The following TNK2 variants were observed in gnomAD, a reference collection of about 807,000 sequenced individuals.
TNK2 encodes the protein activated CDC42 kinase 1.
A neutral mutation model predicts 101.8 loss-of-function variants in TNK2; 83 were observed. That is an observed-to-expected ratio of 0.82 (90% CI 0.68 to 0.98). The LOEUF (loss-of-function observed/expected upper bound fraction) is 0.98, where lower values mean the gene tolerates loss of function less well. Among genes scored for constraint, TNK2 ranks in the 50% least tolerant of loss-of-function variants. The probability of loss-of-function intolerance (pLI) is 0.00; values close to 1 mark genes in which losing one functional copy is unlikely to be tolerated. For synonymous variants in TNK2, 804 were observed against 633.0 expected (o/e 1.27, Z -4.06); for missense variants, 1,665 against 1,483.2 (o/e 1.12, Z -2.01).
intron 6 of TNK2, 182 bp from the exon 7 acceptor site, chr3:195,879,357 G>A: frequency 1.2e-6 from 1 of 832,404 alleles, no homozygotes; most frequent in Non-Finnish European, 1.8e-6. Flanking sequence ...CAGGGACTTG[G>A]GGAAATCGTC....
intron 12 of TNK2, 78 bp downstream of exon 12, chr3:195,869,419 G>A: frequency 1.4e-6 from 2 of 1,459,942 alleles, no homozygotes; most frequent in Non-Finnish European, 9.4e-7. Context: ...AGCCGCCCAG[G>A]CTCTGTACCT....
intron 15 of TNK2, 48 bp downstream of exon 15, chr3:195,866,841 A>G: frequency 6.3e-7 from 1 of 1,588,738 alleles, no homozygotes; most frequent in Non-Finnish European, 8.6e-7. Flanking sequence ...AGGCTCTGGG[A>G]CAGCCCTCCT....
chr3:195,892,522 G>A (rs1329247597), intron 1 of TNK2: 1 of 1,532,824 alleles, frequency 6.5e-7, no homozygotes, highest in South Asian at 1.2e-5. Flanking sequence ...AGCAGTCACT[G>A]GGGATCCAGT....
At position 195,885,113 on chromosome 3, in the gene TNK2, TG is replaced by T; in HGVS notation, c.235-81del. 7.2e-7 allele frequency: 1 copy of T among 1,396,784 alleles called. No homozygotes were observed. The highest frequency in any genetic ancestry group is 9.7e-7 in the Non-Finnish European group (1 of 1,034,954). 86.5% of individuals were successfully genotyped at this position (1,396,784 alleles called of 1,614,324 possible). On this transcript the variant is annotated intron_variant, in intron 3 of 15. Coordinates refer to ENST00000672887, the MANE Select transcript of TNK2 (RefSeq NM_001382273.1). This position sits in a 1 kb window ranked among gnomAD's most constrained non-coding sequence, Gnocchi z 4.7. ...TCAGTCCCACCCCGCTGGGTCCACC[TG>T]GTGATCCCCGGCTTCGGCTTCCAGA...
At chr3:195,892,691 C>G (rs1471530782) in intron 1 of TNK2, 5 of 1,393,300 alleles carry the variant, frequency 3.6e-6, no homozygotes, top group African/African-American at 1.5e-5. Flanking sequence ...GCTTTCCTCA[C>G]GCTGGCTGCA....
intron 4 of TNK2, chr3:195,883,930 T>C (rs556938845): frequency 1.3e-5 from 2 of 152,058 alleles, no homozygotes; most frequent in East Asian, 3.9e-4. Context: ...GCACAGCGGC[T>C]TCCCCGGGAG....
In TNK2 at chr3:195,867,446, G is replaced by A; in HGVS notation, c.2852C>T (p.Pro951Leu). ...NNSNPGARPP[P>L]PRATARLPQR... ...TGGCAGCCGAGCAGTGGCCCTCGGG[G>A]GTGGTGGCCGGGCCCCTGGGTTGCT... Residue 951 changes from proline (P) to leucine (L), a missense_variant, in exon 13 of 16, where the codon CCC becomes CTC. By Grantham distance (98) the Pro-to-Leu change is moderately conservative. This residue lies in a region of TNK2 where 1,136 missense variants were observed against 894.9 expected (regional missense o/e 1.27). Transcript: ENST00000672887. The A allele has an allele frequency of 1.3e-6, 2 of 1,594,120 alleles. No homozygotes were observed. The highest frequency in any genetic ancestry group is 1.7e-6 in the Non-Finnish European group (2 of 1,176,434).
At chr3:195,874,007 A>G (rs773488557) in intron 9 of TNK2, among the ~76,000 whole-genome samples, 14 of 151,976 alleles carry the variant, frequency 9.2e-5, no homozygotes, top group Non-Finnish European at 1.6e-4. Context: ...GAAAAATAGC[A>G]GGGCCACTCG....
intron 9 of TNK2, chr3:195,876,326 C>T (rs1288311892): frequency 6.8e-6 from 3 of 438,984 alleles, no homozygotes; most frequent in Non-Finnish European, 1.4e-5. Context: ...GACTCCGCAC[C>T]AGGAAACAAA....
chr3:195,905,385 G>C (rs1761620532), intron 1 of TNK2, among the ~76,000 whole-genome samples: 1 of 151,942 alleles, frequency 6.6e-6, no homozygotes, highest in Admixed American at 6.6e-5. Flanking sequence ...ATTTTTAGTA[G>C]AGACAGGGTT....
intron 1 of TNK2, among the ~76,000 whole-genome samples, chr3:195,889,864 C>G (rs1172762572): frequency 6.6e-6 from 1 of 152,214 alleles, no homozygotes; most frequent in East Asian, 1.9e-4. Context: ...CAAAGAGGAA[C>G]AGGCGAGAGA....
intron 9 of TNK2, among the ~76,000 whole-genome samples, chr3:195,875,613 G>A (rs183748278): frequency 6.6e-6 from 1 of 152,152 alleles, no homozygotes; most frequent in African/African-American, 2.4e-5. Context: ...CAGTCCAGAG[G>A]GGACTGAGGC....
intron 2 of TNK2, among the ~76,000 whole-genome samples, chr3:195,887,779 G>A (rs1041542064): frequency 8.7e-5 from 11 of 126,354 alleles, no homozygotes; most frequent in Admixed American, 3.5e-4. Context: ...GTGCGTCTGC[G>A]CGCGTGTGTG....
chr3:195,867,129 A>T, intron 14 of TNK2, 40 bp downstream of exon 14: 1 of 1,609,790 alleles, frequency 6.2e-7, no homozygotes, highest in Non-Finnish European at 8.5e-7. Flanking sequence ...ACCAGGCTTC[A>T]GGGTCCCTGA....
chr3:195,903,282 T>C (rs1761405727), intron 1 of TNK2, among the ~76,000 whole-genome samples: 3 of 134,916 alleles, frequency 2.2e-5, no homozygotes, highest in East Asian at 2.4e-4. Flanking sequence ...CCTCGTGATC[T>C]GCACATCTCG....
chr3:195,897,808 TCACCCCCCCAC>T (rs1640945760), intron 1 of TNK2, among the ~76,000 whole-genome samples: 3 of 19,366 alleles, frequency 1.5e-4, no homozygotes, highest in African/African-American at 3.7e-4. Context: ...GCCCACCCCC[TCACCCCCCCAC>T]CCCCCCCCCA....
Position 195,885,952 on chromosome 3 carries a change from A to G in TNK2, c.235-919T>C, listed in dbSNP as rs553660614. 5.2e-6 allele frequency: 1 copy of G among 190,734 alleles called. No individual in the cohort carries two copies. Among genetic ancestry groups the G allele is most frequent in the African/African-American group, 2.4e-5 (1 of 42,408 alleles). The allele number at this position is 190,734 out of a possible 1,614,324, so 11.8% of individuals were successfully genotyped here. A position where few individuals can be genotyped will look rare whatever the true frequency, so the allele number is the denominator to read the frequency against. The stretch of plus-strand genomic sequence containing the variant: ...TGGCCTCTGCCCTGTGCTTCCTCCC[A>G]GTAACTAGAATTCCTTATGTTTGCA... On this transcript the variant is annotated intron_variant, in intron 3 of 15. Transcript: ENST00000672887. This position sits in a 1 kb window ranked among gnomAD's most constrained non-coding sequence, Gnocchi z 4.7.
At chr3:195,892,398 G>A (rs1030382279) in intron 1 of TNK2, 1 of 1,527,932 alleles carries the variant, frequency 6.5e-7, no homozygotes, top group Non-Finnish European at 8.8e-7. Flanking sequence ...TCCAGCCCCT[G>A]CCCCCCACTC....
chr3:195,891,967 C>A, intron 1 of TNK2: 1 of 997,472 alleles, frequency 1.0e-6, no homozygotes, highest in Non-Finnish European at 1.2e-6. Flanking sequence ...CAGCTCTGCA[C>A]AGGGGATGCA....
Sources: gnomAD v4.1 joint callset for allele counts (sites outside exome capture counted in the v4.1 genomes callset) on GRCh38, gnomAD v4.1.1 for gene constraint, gnomAD v4.1.1 regional missense constraint, Gnocchi (gnomAD v3.1) non-coding constraint, MANE v1.5 for transcripts, NCBI Gene and HGNC (gene_info 2026-07-23, HGNC 2026-07-21) for gene names.